The following PDS5A variants were observed in gnomAD, a reference collection of about 807,000 sequenced individuals.
PDS5A encodes sister chromatid cohesion protein PDS5 homolog A.
PDS5A carries 42 observed loss-of-function variants against 167.1 expected under a neutral mutation model. The observed-to-expected ratio is 0.25, with a 90% CI of 0.20 to 0.33. PDS5A has a LOEUF of 0.33. Among genes scored for constraint, PDS5A ranks in the 10% least tolerant of loss-of-function variants. The probability of loss-of-function intolerance (pLI) is 1.00; values close to 1 mark genes in which losing one functional copy is unlikely to be tolerated. For missense variants in PDS5A, 1,033 were observed against 1,605.9 expected (o/e 0.64, Z 6.10); for synonymous variants, 553 against 554.6 (o/e 1.00, Z 0.04).
intron 2 of PDS5A, among the ~76,000 whole-genome samples, chr4:39,968,749 A>T (rs958313051): frequency 4.0e-5 from 6 of 151,184 alleles, no homozygotes; most frequent in Admixed American, 6.6e-5. Context: ...TGAATTTTTT[A>T]AAAAATCACT....
At chr4:39,940,012 C>T (rs966364650) in intron 2 of PDS5A, among the ~76,000 whole-genome samples, 2 of 152,026 alleles carry the variant, frequency 1.3e-5, no homozygotes, top group Non-Finnish European at 2.9e-5. Context: ...AATCCCAGCA[C>T]TTTGGGAGGC....
chr4:39,827,183 A>G (rs968706200), intron 32 of PDS5A, among the ~76,000 whole-genome samples: 19 of 152,078 alleles, frequency 1.2e-4, no homozygotes, highest in African/African-American at 4.6e-4. Context: ...TATTTTTAGT[A>G]GAGATGGGGT....
chr4:39,832,307 G>A (rs576498083), intron 32 of PDS5A, among the ~76,000 whole-genome samples: 1 of 151,472 alleles, frequency 6.6e-6, no homozygotes, highest in East Asian at 2.0e-4. Flanking sequence ...TCCGCCCCCT[G>A]GGTTCATGCC....
At chr4:39,969,448 C>A (rs1730296496) in intron 2 of PDS5A, among the ~76,000 whole-genome samples, 1 of 152,082 alleles carries the variant, frequency 6.6e-6, no homozygotes, top group Non-Finnish European at 1.5e-5. Flanking sequence ...GGGTGGATTA[C>A]CTGAGGTCAC....
Position 39,898,825 on chromosome 4 carries a change from A to C in PDS5A, c.1582T>G (p.Ser528Ala). 6.3e-7 allele frequency: 1 copy of C among 1,585,244 alleles called. No homozygotes were observed. The highest frequency in any genetic ancestry group is 8.6e-7 in the Non-Finnish European group (1 of 1,162,228). ...AACATGGCAGAACAGTTAGCCTCTG[A>C]CTGAAATTTAAAACAGAAACAAAAG... ...ELLDLHKQPT[S>A]EANCSAMFGK... Residue 528 changes from serine to alanine, a missense_variant and splice_region_variant, in exon 15 of 33, where the codon TCA (serine) becomes GCA (alanine). Physicochemically the swap from Ser to Ala is moderately conservative, Grantham distance 99. Transcript: ENST00000303538.
intron 2 of PDS5A, among the ~76,000 whole-genome samples, chr4:39,975,281 CT>C (rs997055113): frequency 7.2e-5 from 11 of 152,044 alleles, no homozygotes; most frequent in Admixed American, 2.0e-4. Flanking sequence ...TGTCTTATTC[CT>C]TCCAAAAAGG....
At chr4:39,891,439 A>T (rs1721953666) in intron 16 of PDS5A, among the ~76,000 whole-genome samples, 1 of 150,848 alleles carries the variant, frequency 6.6e-6, no homozygotes, top group African/African-American at 2.4e-5. Context: ...ACCTGAGGTC[A>T]GGAGTTCGAG....
intron 26 of PDS5A, among the ~76,000 whole-genome samples, chr4:39,856,802 T>G (rs1349140967): frequency 2.0e-5 from 3 of 151,648 alleles, no homozygotes; most frequent in Non-Finnish European, 2.9e-5. Context: ...GGCAACAGAG[T>G]GAGACTCTGT....
At chr4:39,973,195 T>G in intron 2 of PDS5A, 1 of 1,213,182 alleles carries the variant, frequency 8.2e-7, no homozygotes, top group Admixed American at 1.7e-5. Context: ...TTGGTGGGCT[T>G]GTAATATAGC....
rs544206948 is a variant in PDS5A at position 39,974,196 on chromosome 4, C to T, written c.138+2244G>A. On this transcript the variant is annotated intron_variant, in intron 2 of 32. Transcript: ENST00000303538. Reference sequence around the variant, plus strand: ...CTACTGAGACCAAGTCCTCGCTGGACTGCTCAGGGTGCCAGACCTCATCCA... The same window carrying T: ...CTACTGAGACCAAGTCCTCGCTGGATTGCTCAGGGTGCCAGACCTCATCCA... 7.4e-4 allele frequency: 425 copies of T among 575,202 alleles called. 7 individuals carry two copies. The highest frequency in any genetic ancestry group is 5.7e-3 in the South Asian group (413 of 72,894). 35.6% of individuals were successfully genotyped at this position (575,202 alleles called of 1,614,324 possible).
intron 2 of PDS5A, among the ~76,000 whole-genome samples, chr4:39,936,438 ATTT>A (rs1317921688): frequency 7.1e-6 from 1 of 140,640 alleles, no homozygotes; most frequent in African/African-American, 2.5e-5. Flanking sequence ...TATATTTATT[ATTT>A]ATTATTTATC....
chr4:39,847,070 G>C (rs763323721), intron 28 of PDS5A: 3 of 151,974 alleles, frequency 2.0e-5, no homozygotes, highest in Non-Finnish European at 2.9e-5. Flanking sequence ...AATAAGGAAC[G>C]TTGCATACTG....
intron 17 of PDS5A, among the ~76,000 whole-genome samples, chr4:39,885,993 T>C (rs1426468607): frequency 6.6e-6 from 1 of 152,270 alleles, no homozygotes; most frequent in East Asian, 1.9e-4. Flanking sequence ...TTTGATTTTT[T>C]TGTATGTTGA....
At chr4:39,891,235 G>A (rs1721934805) in intron 16 of PDS5A, among the ~76,000 whole-genome samples, 1 of 151,488 alleles carries the variant, frequency 6.6e-6, no homozygotes, top group African/African-American at 2.4e-5. Context: ...GTTTCGTCAT[G>A]TTGGCCAGGC....
intron 9 of PDS5A, among the ~76,000 whole-genome samples, chr4:39,912,851 G>A (rs1283027787): frequency 6.6e-6 from 1 of 152,102 alleles, no homozygotes; most frequent in Non-Finnish European, 1.5e-5. Context: ...CTGAGTTAAT[G>A]GCAATCATAT....
chr4:39,840,543 ACACCACCACGCC>A (rs1187910468), intron 31 of PDS5A, among the ~76,000 whole-genome samples: 1 of 151,666 alleles, frequency 6.6e-6, no homozygotes, highest in Non-Finnish European at 1.5e-5. Context: ...TTACAGGTGC[ACACCACCACGCC>A]CAGCTAATTT....
At chr4:39,875,962 G>A (rs902410939) in intron 19 of PDS5A, among the ~76,000 whole-genome samples, 8 of 151,968 alleles carry the variant, frequency 5.3e-5, no homozygotes, top group Admixed American at 2.6e-4. Flanking sequence ...CATCAGAGTT[G>A]TTATTGAGGT....
At chr4:39,949,308 A>AAC (rs1223446987) in intron 2 of PDS5A, among the ~76,000 whole-genome samples, 4 of 151,280 alleles carry the variant, frequency 2.6e-5, no homozygotes, top group African/African-American at 9.7e-5. Context: ...TCTCAAAAAA[A>AAC]AAAAAAAAAA....
chr4:39,913,454 T>C (rs1344292372), intron 9 of PDS5A, among the ~76,000 whole-genome samples, 157 bp downstream of exon 9: 1 of 152,236 alleles, frequency 6.6e-6, no homozygotes, highest in Non-Finnish European at 1.5e-5. Flanking sequence ...TAAAAAATTT[T>C]TCATACAATT....
Sources: allele counts gnomAD v4.1 joint callset (sites outside exome capture counted in the v4.1 genomes callset), GRCh38; gene constraint gnomAD v4.1.1; transcripts MANE v1.5; gene names NCBI Gene and HGNC (gene_info 2026-07-23, HGNC 2026-07-21).